SPAG16: variants seen among roughly 807,000 people sequenced by gnomAD.
SPAG16 encodes the protein sperm-associated antigen 16 protein.
In SPAG16, 86 loss-of-function variants were observed where a neutral mutation model predicts 80.4. The ratio of observed to expected loss-of-function variants is 1.07; its 90% CI spans 0.90 to 1.28. The LOEUF (loss-of-function observed/expected upper bound fraction) is 1.28. Among genes scored for constraint, SPAG16 ranks in the 50% most tolerant of loss-of-function variants. The pLI, the probability that SPAG16 is intolerant of heterozygous loss-of-function variation, is 0.00. For synonymous variants in SPAG16, 294 were observed against 265.9 expected, an observed-to-expected ratio of 1.11 and a Z score of -1.03; for missense variants, 870 against 765.3, an observed-to-expected ratio of 1.14 and a Z score of -1.61.
intron 10 of SPAG16, among the ~76,000 whole-genome samples, chr2:213,847,258 G>C (rs1270653554): frequency 6.6e-6 from 1 of 152,086 alleles, no homozygotes. Flanking sequence ...TGGACATTGT[G>C]TTATGCCATT....
chr2:213,289,583 T>TA (rs1269261508), intron 1 of SPAG16, among the ~76,000 whole-genome samples: 2 of 152,230 alleles, frequency 1.3e-5, no homozygotes, highest in African/African-American at 4.8e-5. Flanking sequence ...TTGTCTGTAT[T>TA]ATTCAGTTAA....
At chr2:214,089,634 A>G (rs926437569) in intron 13 of SPAG16, among the ~76,000 whole-genome samples, 1 of 151,976 alleles carries the variant, frequency 6.6e-6, no homozygotes, top group Non-Finnish European at 1.5e-5. Context: ...CCAGAACACT[A>G]TATGTAACAA....
intron 10 of SPAG16, among the ~76,000 whole-genome samples, chr2:213,551,588 C>A (rs1253970168): frequency 1.3e-5 from 2 of 152,074 alleles, no homozygotes; most frequent in Non-Finnish European, 2.9e-5. Flanking sequence ...CTATTCAGAT[C>A]TTTAGATACT....
At chr2:213,768,845 A>G (rs757801075) in intron 10 of SPAG16, among the ~76,000 whole-genome samples, 3 of 152,172 alleles carry the variant, frequency 2.0e-5, no homozygotes, top group Non-Finnish European at 4.4e-5. Flanking sequence ...ATCAGAGAGG[A>G]ATGCCTAGAA....
rs1478683073 is a variant in SPAG16 at position 213,841,416 on chromosome 2, T to G, written c.1071-21069T>G. 3.3e-5 allele frequency among the ~76,000 whole-genome samples: 5 copies of G among 152,218 alleles called. No homozygotes were observed. The East Asian group carries it at 7.7e-4, about 23-fold the overall frequency. The stretch of plus-strand genomic sequence containing the variant: ...TGCTTTTGCATTTTCCTAATGCATC[T>G]TAATGTCACTTTTTTTTCCAGAAAA... On this transcript the variant is annotated intron_variant, in intron 10 of 15. Transcript: ENST00000331683.
chr2:214,036,155 G>T (rs1013737066), intron 13 of SPAG16, among the ~76,000 whole-genome samples: 1 of 151,610 alleles, frequency 6.6e-6, no homozygotes, highest in Non-Finnish European at 1.5e-5. Context: ...TTTCTATTTT[G>T]TACAATAGGT....
chr2:214,062,418 C>CAAAAAA (rs56693089), intron 13 of SPAG16, among the ~76,000 whole-genome samples: 1 of 55,398 alleles, frequency 1.8e-5, no homozygotes, highest in Non-Finnish European at 3.3e-5. Flanking sequence ...GACTCTGACT[C>CAAAAAA]AAAAAAAAAA....
intron 3 of SPAG16, among the ~76,000 whole-genome samples, chr2:213,305,526 T>C (rs1381860348): frequency 6.6e-6 from 1 of 152,172 alleles, no homozygotes; most frequent in East Asian, 1.9e-4. Flanking sequence ...TTGAGGTATG[T>C]TTCTTCTATC....
chr2:214,094,546 G>A (rs1383370353), intron 13 of SPAG16, among the ~76,000 whole-genome samples: 4 of 151,914 alleles, frequency 2.6e-5, no homozygotes, highest in African/African-American at 4.8e-5. Flanking sequence ...GACAATTATT[G>A]TTCTACAATA....
intron 15 of SPAG16, among the ~76,000 whole-genome samples, chr2:214,398,769 C>G (rs1289933292): frequency 6.6e-6 from 1 of 152,192 alleles, no homozygotes; most frequent in Non-Finnish European, 1.5e-5. Context: ...GCTTAACTTT[C>G]TGGCATAACT....
At chr2:214,184,486 C>T (rs1669547374) in intron 15 of SPAG16, among the ~76,000 whole-genome samples, 2 of 151,884 alleles carry the variant, frequency 1.3e-5, no homozygotes, top group South Asian at 4.1e-4. Flanking sequence ...CTTTAAATGA[C>T]AGCAAAAAAA....
At chr2:213,614,582 G>C (rs1020673660) in intron 10 of SPAG16, among the ~76,000 whole-genome samples, 1 of 152,170 alleles carries the variant, frequency 6.6e-6, no homozygotes, top group Non-Finnish European at 1.5e-5. Context: ...CTGGGATAGT[G>C]GATGCCGCTT....
chr2:213,356,466 T>G (rs1214475273), intron 7 of SPAG16, among the ~76,000 whole-genome samples: 1 of 152,230 alleles, frequency 6.6e-6, no homozygotes, highest in East Asian at 1.9e-4. Context: ...TCTTCCTAGT[T>G]TATTCTTGTG....
intron 15 of SPAG16, among the ~76,000 whole-genome samples, chr2:214,376,563 T>C (rs1240443022): frequency 1.3e-5 from 2 of 152,100 alleles, no homozygotes; most frequent in Non-Finnish European, 2.9e-5. Context: ...GACACTATAT[T>C]TTCTTGATAA....
intron 15 of SPAG16, among the ~76,000 whole-genome samples, chr2:214,176,712 A>G (rs2125652398): frequency 6.6e-6 from 1 of 151,352 alleles, no homozygotes; most frequent in Admixed American, 6.6e-5. Context: ...CAATAGAAGT[A>G]CAGTGATGGT....
chr2:213,393,064 G>A (rs1322395680), intron 9 of SPAG16, among the ~76,000 whole-genome samples: 1 of 151,946 alleles, frequency 6.6e-6, no homozygotes, highest in Non-Finnish European at 1.5e-5. Context: ...CTTACATAAA[G>A]AGAAGCAAAT....
At chr2:214,306,670 T>C (rs1402552835) in intron 15 of SPAG16, among the ~76,000 whole-genome samples, 1 of 152,172 alleles carries the variant, frequency 6.6e-6, no homozygotes, top group Non-Finnish European at 1.5e-5. Context: ...ATGTGATAAA[T>C]CACAGTTTCT....
Position 213,489,978 on chromosome 2 carries a change from A to G in SPAG16, c.958A>G (p.Ile320Val), listed in dbSNP as rs779148962. 6.2e-7 allele frequency: 1 copy of G among 1,604,822 alleles called. No individual in the cohort carries two copies. The highest frequency in any genetic ancestry group is 8.5e-7 in the Non-Finnish European group (1 of 1,176,768). Residue 320 changes from isoleucine to valine, a missense_variant, in exon 10 of 16, where the codon ATA (isoleucine) becomes GTA (valine). Coordinates refer to ENST00000331683, the MANE Select transcript of SPAG16 (RefSeq NM_024532.5). Reference protein sequence around the residue: ...KGNTKDSEFPIDMQPNPNLNV... With the variant: ...KGNTKDSEFPVDMQPNPNLNV... Reference sequence around the variant, plus strand: ...TTTTCTCTAGGATTCAGAATTTCCCATAGATATGCAACCAAATCCAAACCT... The same window carrying G: ...TTTTCTCTAGGATTCAGAATTTCCCGTAGATATGCAACCAAATCCAAACCT...
chr2:213,938,442 G>A (rs537412450), intron 12 of SPAG16, among the ~76,000 whole-genome samples: 11 of 151,998 alleles, frequency 7.2e-5, no homozygotes, highest in South Asian at 2.1e-4. Context: ...TTGTATTGAT[G>A]AAGTGAGTTT....
Sources: allele counts gnomAD v4.1 joint callset (sites outside exome capture counted in the v4.1 genomes callset), GRCh38; gene constraint gnomAD v4.1.1; transcripts MANE v1.5; gene names NCBI Gene and HGNC (gene_info 2026-07-23, HGNC 2026-07-21).